Variants in HIP1 observed in about 807,000 individuals in gnomAD.
HIP1 encodes the protein huntingtin-interacting protein 1.
HIP1 carries 65 observed loss-of-function variants against 147.6 expected under a neutral mutation model. That is an observed-to-expected ratio of 0.44 (90% CI 0.36 to 0.54). The LOEUF (loss-of-function observed/expected upper bound fraction) is 0.54, where lower values mean the gene tolerates loss of function less well. Among genes scored for constraint, HIP1 ranks in the 20% least tolerant of loss-of-function variants. The probability of loss-of-function intolerance (pLI) is 0.00; values close to 1 mark genes in which losing one functional copy is unlikely to be tolerated. For missense variants in HIP1, 1,061 were observed against 1,299.6 expected, an observed-to-expected ratio of 0.82 and a Z score of 2.82; for synonymous variants, 479 against 504.0, an observed-to-expected ratio of 0.95 and a Z score of 0.67.
At position 75,613,067 on chromosome 7, in the gene HIP1, G is replaced by A. The variant is rs147034618; in HGVS notation, c.121-13820C>T. Among the ~76,000 whole-genome samples the A allele has an allele frequency of 6.6e-5, 10 of 151,262 alleles. No individual in the cohort carries two copies. In the East Asian group the frequency reaches 1.9e-3, roughly 29 times the overall value. ...TGCAGTGAGCTATGATCATACCACT[G>A]CACCACTCCAACTTGGGTCACACAC... On this transcript the variant is annotated intron_variant, in intron 1 of 30. Transcript: ENST00000336926.
chr7:75,655,294 A>G (rs1323778830), intron 1 of HIP1, among the ~76,000 whole-genome samples: 1 of 152,078 alleles, frequency 6.6e-6, no homozygotes, highest in Non-Finnish European at 1.5e-5. Flanking sequence ...TAAGCCAGAC[A>G]CAGGCCGGGC....
intron 1 of HIP1, among the ~76,000 whole-genome samples, chr7:75,658,184 C>A (rs530270233): frequency 8.5e-5 from 13 of 152,250 alleles, no homozygotes; most frequent in African/African-American, 3.1e-4. Context: ...GCCTTCACCT[C>A]CCGACTTCAA....
At chr7:75,720,305 T>G (rs1181989207) in intron 1 of HIP1, among the ~76,000 whole-genome samples, 1 of 151,982 alleles carries the variant, frequency 6.6e-6, no homozygotes, top group Admixed American at 6.6e-5. Flanking sequence ...GGACTACAGG[T>G]GCCTGCCATC....
chr7:75,555,197 G>GGGGGC, intron 19 of HIP1, among the ~76,000 whole-genome samples: 1 of 99,146 alleles, frequency 1.0e-5, no homozygotes, highest in African/African-American at 3.8e-5. Context: ...CGGGGGGGCG[G>GGGGGC]GGGGGGGGAA....
intron 1 of HIP1, among the ~76,000 whole-genome samples, chr7:75,633,318 T>G (rs1798304057): frequency 6.6e-6 from 1 of 152,108 alleles, no homozygotes; most frequent in Non-Finnish European, 1.5e-5. Flanking sequence ...TTTGAGATGG[T>G]CTCTTGCTCT....
chr7:75,584,898 G>A (rs1554499258), intron 5 of HIP1, among the ~76,000 whole-genome samples: 1 of 150,752 alleles, frequency 6.6e-6, no homozygotes, highest in Non-Finnish European at 1.5e-5. Context: ...ACCCAGGCTG[G>A]AGTGCAGTGG....
At chr7:75,617,310 C>G (rs1554506281) in intron 1 of HIP1, among the ~76,000 whole-genome samples, 1 of 152,074 alleles carries the variant, frequency 6.6e-6, no homozygotes. Flanking sequence ...AACTCCTGAC[C>G]TCAGGTGATC....
rs587718887 is a variant in HIP1 at position 75,566,318 on chromosome 7, G to A, written c.803+1881C>T. 5.5e-4 allele frequency among the ~76,000 whole-genome samples: 84 copies of A among 151,484 alleles called. 1 individual carries two copies. Among genetic ancestry groups the A allele is most frequent in the Admixed American group, 1.2e-3 (18 of 15,230 alleles). ...ATTACAGGCATGAGCCACTGCACCCGGCTGGTGTTAGCAACTTTTATTGAG... is the reference window on the plus strand; with the variant it reads ...ATTACAGGCATGAGCCACTGCACCCAGCTGGTGTTAGCAACTTTTATTGAG... On this transcript the variant is annotated intron_variant, in intron 9 of 30. Coordinates refer to ENST00000336926, the MANE Select transcript of HIP1 (RefSeq NM_005338.7).
rs1289507348 is a variant in HIP1, at chr7:75,537,291, A to G, written c.*881T>C. ...CGCCGGGATTCAGCTTTAGGAGGGA[A>G]AGGCACTCACTCTCCTTCTGCTTTT... On this transcript the variant is annotated 3_prime_UTR_variant, in exon 31 of 31. Coordinates refer to ENST00000336926, the MANE Select transcript of HIP1 (RefSeq NM_005338.7). 1 of 232,842 alleles carries G rather than the reference A, an allele frequency of 4.3e-6. No individual in the cohort carries two copies. Among genetic ancestry groups the G allele is most frequent in the Non-Finnish European group, 8.5e-6 (1 of 117,668 alleles). 14.4% of individuals were successfully genotyped at this position (232,842 alleles called of 1,614,324 possible). A position where few individuals can be genotyped will look rare whatever the true frequency, so the allele number is the denominator to read the frequency against.
At chr7:75,696,455 C>A (rs1481316495) in intron 1 of HIP1, among the ~76,000 whole-genome samples, 1 of 151,534 alleles carries the variant, frequency 6.6e-6, no homozygotes, top group Non-Finnish European at 1.5e-5. Flanking sequence ...TTAGCTAAAG[C>A]CCTTTCTCTT....
chr7:75,703,469 C>A (rs1418708477), intron 1 of HIP1, among the ~76,000 whole-genome samples: 3 of 152,054 alleles, frequency 2.0e-5, no homozygotes, highest in Non-Finnish European at 4.4e-5. Context: ...CATGGAGAAA[C>A]CCTATCTCTA....
intron 1 of HIP1, among the ~76,000 whole-genome samples, chr7:75,734,020 C>T (rs184639652): frequency 2.2e-4 from 33 of 151,748 alleles, no homozygotes; most frequent in African/African-American, 7.2e-4. Context: ...CTGAGGCAGG[C>T]GGCTCACCTG....
At chr7:75,738,711 C>T in intron 1 of HIP1, 90 bp downstream of exon 1, 1 of 1,421,020 alleles carries the variant, frequency 7.0e-7, no homozygotes, top group Non-Finnish European at 9.6e-7. Context: ...TCAACTGGGG[C>T]CTGCAAGACT....
At chr7:75,693,976 GTGGTGCAATCTCAGC>G (rs1187659206) in intron 1 of HIP1, among the ~76,000 whole-genome samples, 1 of 134,966 alleles carries the variant, frequency 7.4e-6, no homozygotes, top group Non-Finnish European at 1.5e-5. Context: ...CTGGAGTGCA[GTGGTGCAATCTCAGC>G]TCCCTGCAAC....
chr7:75,536,686 T>C lies in HIP1; in HGVS notation c.*1486A>G, dbSNP rs1168010016. ...GGAGTTGGAGCCGCTGGCTCTGTCC[T>C]TTCTCATTTTCTCTGACCCAAGAGC... On this transcript the variant is annotated 3_prime_UTR_variant, in exon 31 of 31. Transcript: ENST00000336926. 4.4e-6 allele frequency: 1 copy of C among 228,282 alleles called. No homozygotes were observed. Among genetic ancestry groups the C allele is most frequent in the Non-Finnish European group, 8.7e-6 (1 of 115,106 alleles). The allele number at this position is 228,282 out of a possible 1,614,324, so 14.1% of individuals were successfully genotyped here.
intron 1 of HIP1, among the ~76,000 whole-genome samples, chr7:75,618,907 G>A (rs1554506537): frequency 2.0e-5 from 3 of 151,980 alleles, no homozygotes; most frequent in Non-Finnish European, 4.4e-5. Context: ...TGCTGCCCAG[G>A]CTGGTCTCAA....
intron 19 of HIP1, among the ~76,000 whole-genome samples, chr7:75,554,767 T>C (rs1794926236): frequency 6.6e-6 from 1 of 152,120 alleles, no homozygotes; most frequent in African/African-American, 2.4e-5. Flanking sequence ...CTATCACACC[T>C]GGGGGCTTTA....
intron 7 of HIP1, among the ~76,000 whole-genome samples, chr7:75,579,054 A>G (rs1795945535): frequency 6.6e-6 from 1 of 151,922 alleles, no homozygotes; most frequent in East Asian, 1.9e-4. Flanking sequence ...TCCTGACCTC[A>G]TGATCCACCT....
rs1794010592 is a variant in HIP1, at chr7:75,534,484, A to C, written c.*3688T>G. 1 of 176,674 alleles carries C rather than the reference A, an allele frequency of 5.7e-6. No homozygotes were observed. Among genetic ancestry groups the C allele is most frequent in the Non-Finnish European group, 1.2e-5 (1 of 83,616 alleles). 10.9% of individuals were successfully genotyped at this position (176,674 alleles called of 1,614,324 possible). A position where few individuals can be genotyped will look rare whatever the true frequency, so the allele number is the denominator to read the frequency against. Reference sequence around the variant, plus strand: ...AGTCTCACTCTGTGACCCAGGCTGGAGTGCAGTGGTGCGATCTTGGCTCAC... The same window carrying C: ...AGTCTCACTCTGTGACCCAGGCTGGCGTGCAGTGGTGCGATCTTGGCTCAC... On this transcript the variant is annotated 3_prime_UTR_variant, in exon 31 of 31. Coordinates refer to ENST00000336926, the MANE Select transcript of HIP1 (RefSeq NM_005338.7).
Sources: allele counts gnomAD v4.1 joint callset (sites outside exome capture counted in the v4.1 genomes callset), GRCh38; gene constraint gnomAD v4.1.1; transcripts MANE v1.5; gene names NCBI Gene and HGNC (gene_info 2026-07-23, HGNC 2026-07-21).